Variants in ACER3 observed in about 807,000 individuals in gnomAD.
The protein encoded by ACER3 is alkaline ceramidase 3, also known as alkCDase 3.
Under a neutral mutation model 48.9 loss-of-function variants are expected in ACER3, and 16 were observed. That is an observed-to-expected ratio of 0.33 (90% CI 0.22 to 0.50). ACER3 has a LOEUF of 0.50. Ranked by LOEUF, ACER3 falls within the 20% of genes least tolerant of loss-of-function variation. The pLI is 0.98. For missense variants in ACER3, 227 were observed against 326.0 expected, an observed-to-expected ratio of 0.70 and a Z score of 2.34; for synonymous variants, 109 against 107.8, an observed-to-expected ratio of 1.01 and a Z score of -0.07.
intron 4 of ACER3, among the ~76,000 whole-genome samples, chr11:76,979,848 A>AAAT (rs1555015607): frequency 6.6e-6 from 1 of 150,918 alleles, no homozygotes; most frequent in Non-Finnish European, 1.5e-5. Flanking sequence ...ATTAAAAAAA[A>AAAT]AACAGGTTTA....
At chr11:76,947,691 A>C (rs1052683709) in intron 2 of ACER3, among the ~76,000 whole-genome samples, 2 of 152,108 alleles carry the variant, frequency 1.3e-5, no homozygotes, top group African/African-American at 4.8e-5. Flanking sequence ...GTGACCTCTT[A>C]TTTTTTAGTC....
intron 4 of ACER3, among the ~76,000 whole-genome samples, chr11:76,983,067 T>C (rs1948619424): frequency 6.6e-6 from 1 of 152,234 alleles, no homozygotes; most frequent in South Asian, 2.1e-4. Flanking sequence ...TTTAGTTCCT[T>C]TGCATTTCCA....
chr11:76,980,403 A>G (rs915056042), intron 4 of ACER3, among the ~76,000 whole-genome samples: 23 of 152,084 alleles, frequency 1.5e-4, no homozygotes, highest in African/African-American at 5.3e-4. Flanking sequence ...GGAGCTGGGC[A>G]TAGTTGCTCA....
At chr11:76,973,648 C>T (rs778993314) in intron 3 of ACER3, among the ~76,000 whole-genome samples, 2 of 152,184 alleles carry the variant, frequency 1.3e-5, no homozygotes, top group Non-Finnish European at 2.9e-5. Flanking sequence ...CAAGCAGGCC[C>T]TTGCCAGGCT....
intron 1 of ACER3, 46 bp downstream of exon 1, chr11:76,861,125 C>A: frequency 6.7e-7 from 1 of 1,498,722 alleles, no homozygotes; most frequent in Non-Finnish European, 9.0e-7. Flanking sequence ...GGGCACCGGG[C>A]TGAGGAGACG....
chr11:76,878,543 C>G (rs1945443782), intron 1 of ACER3, among the ~76,000 whole-genome samples: 1 of 152,014 alleles, frequency 6.6e-6, no homozygotes, highest in South Asian at 2.1e-4. Context: ...TGAGTGGTAT[C>G]CCACTGTATG....
intron 2 of ACER3, among the ~76,000 whole-genome samples, chr11:76,938,673 G>A (rs1160348400): frequency 6.6e-6 from 1 of 152,156 alleles, no homozygotes; most frequent in Admixed American, 6.5e-5. Context: ...TGGAAGAAGG[G>A]AGATACAGAT....
intron 1 of ACER3, among the ~76,000 whole-genome samples, chr11:76,876,854 C>T (rs1945396540): frequency 6.6e-6 from 1 of 152,008 alleles, no homozygotes; most frequent in African/African-American, 2.4e-5. Flanking sequence ...ACATTAATAC[C>T]CTGTGCACTT....
intron 7 of ACER3, among the ~76,000 whole-genome samples, chr11:77,010,402 C>A (rs1949238950): frequency 7.4e-6 from 1 of 136,012 alleles, no homozygotes; most frequent in Admixed American, 7.5e-5. Flanking sequence ...TTAAAAGATA[C>A]AGTTAAAGAA....
intron 1 of ACER3, among the ~76,000 whole-genome samples, chr11:76,923,274 T>C (rs1654282807): frequency 6.6e-6 from 1 of 152,124 alleles, no homozygotes; most frequent in Non-Finnish European, 1.5e-5. Flanking sequence ...AAAAACAAGA[T>C]AGTAACATAT....
chr11:76,951,409 A>G (rs1947665660), intron 2 of ACER3, among the ~76,000 whole-genome samples: 1 of 152,322 alleles, frequency 6.6e-6, no homozygotes, highest in African/African-American at 2.4e-5. Flanking sequence ...TCACAATAGC[A>G]GTGTTGATCC....
chr11:76,923,653 T>A (rs1946742664), intron 1 of ACER3, among the ~76,000 whole-genome samples: 1 of 152,218 alleles, frequency 6.6e-6, no homozygotes, highest in Non-Finnish European at 1.5e-5. Context: ...AACAGTTTGA[T>A]CCTTTTGGAT....
intron 1 of ACER3, among the ~76,000 whole-genome samples, chr11:76,865,563 C>T (rs1192000729): frequency 1.3e-5 from 2 of 151,450 alleles, no homozygotes; most frequent in Non-Finnish European, 2.9e-5. Flanking sequence ...GGCTGGAGTG[C>T]AGTGGCGCAA....
At chr11:77,006,808 G>A (rs1949160259) in intron 7 of ACER3, among the ~76,000 whole-genome samples, 1 of 151,952 alleles carries the variant, frequency 6.6e-6, no homozygotes, top group Non-Finnish European at 1.5e-5. Context: ...TTGTCTTAAT[G>A]TGAATTTCTT....
At chr11:76,958,709 G>A in intron 2 of ACER3, 1 of 458,096 alleles carries the variant, frequency 2.2e-6, no homozygotes. Flanking sequence ...CTGAGCATCA[G>A]ATAATACATT....
At chr11:76,996,237 T>G (rs1190512465) in intron 6 of ACER3, among the ~76,000 whole-genome samples, 1 of 152,014 alleles carries the variant, frequency 6.6e-6, no homozygotes, top group Non-Finnish European at 1.5e-5. Context: ...TTACCCTAGT[T>G]CAGGTCTCTA....
intron 1 of ACER3, among the ~76,000 whole-genome samples, chr11:76,898,608 A>G (rs1945993507): frequency 6.6e-6 from 1 of 152,182 alleles, no homozygotes; most frequent in Non-Finnish European, 1.5e-5. Context: ...AGACTTGTTC[A>G]AAATCCTCGT....
chr11:76,982,428 G>A (rs956451290), intron 4 of ACER3, among the ~76,000 whole-genome samples: 2 of 152,016 alleles, frequency 1.3e-5, no homozygotes, highest in African/African-American at 4.8e-5. Context: ...TGTTGGCCAG[G>A]ATGGTCTCGA....
At chr11:76,965,943 A>G (rs1046642983) in intron 3 of ACER3, among the ~76,000 whole-genome samples, 76 of 151,442 alleles carry the variant, frequency 5.0e-4, no homozygotes, top group African/African-American at 1.9e-3. Context: ...GACAGGATCA[A>G]ATTCACACAT....
Sources: gnomAD v4.1 joint callset for allele counts (sites outside exome capture counted in the v4.1 genomes callset) on GRCh38, gnomAD v4.1.1 for gene constraint, MANE v1.5 for transcripts, NCBI Gene and HGNC (gene_info 2026-07-23, HGNC 2026-07-21) for gene names.